The following SLC35F3 variants were observed in gnomAD, a reference collection of about 807,000 sequenced individuals.
SLC35F3 encodes the protein solute carrier family 35 member F3.
Under a neutral mutation model 49.9 loss-of-function variants are expected in SLC35F3, and 25 were observed. The ratio of observed to expected loss-of-function variants is 0.50; its 90% CI spans 0.37 to 0.70. SLC35F3 has a LOEUF of 0.70. Among genes scored for constraint, SLC35F3 ranks in the 30% least tolerant of loss-of-function variants. SLC35F3 has a pLI of 0.00. For missense variants in SLC35F3, 525 were observed against 639.8 expected (o/e 0.82, Z 1.94); for synonymous variants, 275 against 265.4 (o/e 1.04, Z -0.35).
chr1:234,319,142 A>G (rs1657557673), intron 6 of SLC35F3, among the ~76,000 whole-genome samples, 199 bp downstream of exon 6: 1 of 152,226 alleles, frequency 6.6e-6, no homozygotes, highest in Admixed American at 6.5e-5. Context: ...GAATCAGTGC[A>G]GTAGTCGCAG....
At chr1:233,963,951 A>T (rs1292659322) in intron 2 of SLC35F3, among the ~76,000 whole-genome samples, 1 of 152,214 alleles carries the variant, frequency 6.6e-6, no homozygotes, top group African/African-American at 2.4e-5. Flanking sequence ...CATACCCCAG[A>T]TCTCAGCTTC....
chr1:234,267,858 G>A lies in SLC35F3; in HGVS notation c.608+36117G>A, dbSNP rs1156291493. Reference sequence around the variant, plus strand: ...GAGGCGCTCCTCACATCCCAGACAGGGCGGCGGGGCAGAGGTGCTCCCCAC... The same window carrying A: ...GAGGCGCTCCTCACATCCCAGACAGAGCGGCGGGGCAGAGGTGCTCCCCAC... On this transcript the variant is annotated intron_variant, in intron 3 of 7. Transcript: ENST00000366618. 2.1e-5 allele frequency among the ~76,000 whole-genome samples: 3 copies of A among 145,980 alleles called. No homozygotes were observed. In the East Asian group the frequency reaches 6.0e-4, roughly 29 times the overall value.
At chr1:234,299,906 GAGAA>G (rs1263425524) in intron 3 of SLC35F3, among the ~76,000 whole-genome samples, 1 of 151,236 alleles carries the variant, frequency 6.6e-6, no homozygotes, top group Non-Finnish European at 1.5e-5. Flanking sequence ...TTTTAAAAGA[GAGAA>G]AGAAAGAAAA....
chr1:233,914,146 G>A (rs1379188858), intron 2 of SLC35F3, among the ~76,000 whole-genome samples: 1 of 152,112 alleles, frequency 6.6e-6, no homozygotes, highest in Non-Finnish European at 1.5e-5. Context: ...GGGCCGTGTA[G>A]ATTAGACCAG....
intron 2 of SLC35F3, among the ~76,000 whole-genome samples, chr1:233,989,551 G>C (rs995734838): frequency 6.6e-6 from 1 of 152,118 alleles, no homozygotes; most frequent in Non-Finnish European, 1.5e-5. Flanking sequence ...TTTCATGAGT[G>C]AGAAAATAAC....
At chr1:234,102,804 C>A (rs1034108962) in intron 2 of SLC35F3, among the ~76,000 whole-genome samples, 2 of 152,210 alleles carry the variant, frequency 1.3e-5, no homozygotes, top group Non-Finnish European at 2.9e-5. Flanking sequence ...CAAACCACAG[C>A]CGCTAAAGTC....
intron 2 of SLC35F3, among the ~76,000 whole-genome samples, chr1:234,226,909 A>C (rs1263105612): frequency 1.3e-5 from 2 of 152,078 alleles, no homozygotes; most frequent in Non-Finnish European, 2.9e-5. Context: ...GCCATGGAGT[A>C]TATAAAGTGC....
chr1:233,908,747 G>T (rs1480635416), intron 2 of SLC35F3, among the ~76,000 whole-genome samples: 1 of 151,702 alleles, frequency 6.6e-6, no homozygotes, highest in Admixed American at 6.6e-5. Context: ...TGTTGGCCAG[G>T]CTGGTCTCGA....
intron 2 of SLC35F3, among the ~76,000 whole-genome samples, chr1:234,190,571 C>G (rs1666715295): frequency 6.6e-6 from 1 of 152,138 alleles, no homozygotes. Flanking sequence ...ATTTATAAAA[C>G]AAATACTGCT....
In SLC35F3 at chr1:234,046,218, A is replaced by C. The variant is rs73102419; in HGVS notation, c.283+140460A>C. Among the ~76,000 whole-genome samples the C allele has an allele frequency of 0.03, 4,565 of 152,286 alleles. 217 individuals carry two copies. Among genetic ancestry groups the C allele is most frequent in the African/African-American group, 0.1 (4,234 of 41,550 alleles). Reference sequence around the variant, plus strand: ...TTTTAAGAGCATGTTACACCAAATTAAATTTATTCTAGAAATGTGTAAGCA... The same window carrying C: ...TTTTAAGAGCATGTTACACCAAATTCAATTTATTCTAGAAATGTGTAAGCA... On this transcript the variant is annotated intron_variant, in intron 2 of 7. Coordinates refer to ENST00000366618, the MANE Select transcript of SLC35F3 (RefSeq NM_173508.4). This position sits in a 1 kb window ranked among gnomAD's most constrained non-coding sequence, Gnocchi z 4.4.
rs538111106 is a variant in SLC35F3 at position 233,967,431 on chromosome 1, A to T, written c.283+61673A>T. Among the ~76,000 whole-genome samples, 3 of 152,338 alleles carry T rather than the reference A, an allele frequency of 2.0e-5. No individual in the cohort carries two copies. In the South Asian group the frequency reaches 6.2e-4, roughly 32 times the overall value. On this transcript the variant is annotated intron_variant, in intron 2 of 7. Coordinates refer to ENST00000366618, the MANE Select transcript of SLC35F3 (RefSeq NM_173508.4). Reference sequence around the variant, plus strand: ...TTATCTGGCCGATGAACTATGATGAATATAAACAATTGAGGATCTCATAGT... The same window carrying T: ...TTATCTGGCCGATGAACTATGATGATTATAAACAATTGAGGATCTCATAGT...
chr1:234,102,102 A>AGCTCTT (rs1665222956), intron 2 of SLC35F3, among the ~76,000 whole-genome samples: 1 of 152,236 alleles, frequency 6.6e-6, no homozygotes, highest in African/African-American at 2.4e-5. Context: ...AGAAAGTATC[A>AGCTCTT]CTACCCATGG....
intron 3 of SLC35F3, among the ~76,000 whole-genome samples, chr1:234,232,965 G>A (rs1244501363): frequency 1.3e-5 from 2 of 152,162 alleles, no homozygotes; most frequent in East Asian, 1.9e-4. Flanking sequence ...TCTGGAGGAG[G>A]GGGCTCTGAT....
At chr1:234,108,702 T>TG (rs1313726782) in intron 2 of SLC35F3, among the ~76,000 whole-genome samples, 1 of 101,246 alleles carries the variant, frequency 9.9e-6, no homozygotes, top group Non-Finnish European at 1.8e-5. Flanking sequence ...AAAATATATA[T>TG]TATATATATA....
intron 3 of SLC35F3, among the ~76,000 whole-genome samples, chr1:234,304,037 CCTT>C: frequency 2.4e-5 from 1 of 42,232 alleles, no homozygotes; most frequent in Non-Finnish European, 5.8e-5. Context: ...TTCCTTCCTT[CCTT>C]CCTTCTTTCT....
At chr1:233,944,346 T>C (rs1310774182) in intron 2 of SLC35F3, among the ~76,000 whole-genome samples, 2 of 152,206 alleles carry the variant, frequency 1.3e-5, no homozygotes, top group African/African-American at 4.8e-5. Flanking sequence ...CTAAATTTTA[T>C]GGTTTAATAT....
chr1:234,282,721 C>T (rs1668349344), intron 3 of SLC35F3, among the ~76,000 whole-genome samples: 1 of 152,194 alleles, frequency 6.6e-6, no homozygotes. Flanking sequence ...TCTAAGGTCC[C>T]CCATTTAGCT....
At chr1:234,137,227 T>C (rs1019046007) in intron 2 of SLC35F3, among the ~76,000 whole-genome samples, 1 of 152,150 alleles carries the variant, frequency 6.6e-6, no homozygotes, top group Non-Finnish European at 1.5e-5. Flanking sequence ...AGATGTTTTA[T>C]AGGTTGGTGA....
chr1:234,195,128 G>A (rs571168296), intron 2 of SLC35F3, among the ~76,000 whole-genome samples: 6 of 152,170 alleles, frequency 3.9e-5, no homozygotes, highest in Non-Finnish European at 4.4e-5. Flanking sequence ...TCAGCAAGTG[G>A]AAAGTAACCC....
Sources: allele counts gnomAD v4.1 joint callset (sites outside exome capture counted in the v4.1 genomes callset), GRCh38; gene constraint gnomAD v4.1.1; non-coding constraint Gnocchi (gnomAD v3.1); transcripts MANE v1.5; gene names NCBI Gene and HGNC (gene_info 2026-07-23, HGNC 2026-07-21).